Variants in DPYD observed in about 807,000 individuals in gnomAD.
The protein encoded by DPYD is dihydropyrimidine dehydrogenase [NADP(+)].
Under a neutral mutation model 116.2 loss-of-function variants are expected in DPYD, and 109 were observed. The ratio of observed to expected loss-of-function variants is 0.94; its 90% CI spans 0.80 to 1.10. DPYD has a LOEUF of 1.10. DPYD is among the 50% of genes least tolerant of loss of function. The pLI is 0.00. For synonymous variants in DPYD, 440 were observed against 432.0 expected (o/e 1.02, Z -0.23); for missense variants, 1,302 against 1,254.5 (o/e 1.04, Z -0.57).
At chr1:97,246,850 AT>A (rs1662752904) in intron 18 of DPYD, among the ~76,000 whole-genome samples, 2 of 152,276 alleles carry the variant, frequency 1.3e-5, no homozygotes, top group African/African-American at 4.8e-5. Context: ...GTTAATAAAA[AT>A]AATATTCCTA....
intron 14 of DPYD, among the ~76,000 whole-genome samples, chr1:97,415,413 C>T (rs541225117): frequency 1.3e-5 from 2 of 152,186 alleles, no homozygotes; most frequent in Admixed American, 6.5e-5. Flanking sequence ...CTGCAGCCTC[C>T]GCCACCAGGG....
At chr1:97,220,373 C>T (rs1660701070) in intron 19 of DPYD, among the ~76,000 whole-genome samples, 1 of 152,170 alleles carries the variant, frequency 6.6e-6, no homozygotes, top group Non-Finnish European at 1.5e-5. Flanking sequence ...AGCCCCTCAA[C>T]CTTGGACCTC....
chr1:97,700,242 T>C (rs1382057927), intron 5 of DPYD: 1 of 455,710 alleles, frequency 2.2e-6, no homozygotes, highest in Non-Finnish European at 4.4e-6. Flanking sequence ...AGAAAAGAGA[T>C]GTTGGCAGTC....
intron 14 of DPYD, among the ~76,000 whole-genome samples, chr1:97,395,786 G>T (rs144560184): frequency 6.6e-6 from 1 of 152,100 alleles, no homozygotes; most frequent in African/African-American, 2.4e-5. Flanking sequence ...GCTTGAAGGG[G>T]CCTGGTGCTT....
intron 3 of DPYD, among the ~76,000 whole-genome samples, chr1:97,744,270 AAAAT>A (rs1357188791): frequency 2.6e-5 from 4 of 152,010 alleles, no homozygotes; most frequent in African/African-American, 9.7e-5. Context: ...TATGACACCA[AAAAT>A]ATTATAGTGA....
intron 20 of DPYD, among the ~76,000 whole-genome samples, chr1:97,100,290 T>C (rs545504633): frequency 1.4e-3 from 206 of 152,080 alleles, no homozygotes; most frequent in African/African-American, 4.9e-3. Flanking sequence ...ATATGAGGTG[T>C]TAGGGATTAC....
intron 19 of DPYD, among the ~76,000 whole-genome samples, chr1:97,233,463 T>G (rs1411932651): frequency 6.6e-6 from 1 of 152,096 alleles, no homozygotes; most frequent in African/African-American, 2.4e-5. Flanking sequence ...AGTGGGGATG[T>G]GAGACTGCTT....
intron 11 of DPYD, among the ~76,000 whole-genome samples, chr1:97,554,672 T>G (rs1282453699): frequency 6.6e-6 from 1 of 152,088 alleles, no homozygotes; most frequent in Non-Finnish European, 1.5e-5. Context: ...TAGAATAACC[T>G]GGGGTAAGGA....
chr1:97,374,361 T>C (rs1047911009), intron 15 of DPYD, among the ~76,000 whole-genome samples: 1 of 152,160 alleles, frequency 6.6e-6, no homozygotes, highest in African/African-American at 2.4e-5. Context: ...TTGGAATACT[T>C]TGAGAATCTT....
At chr1:97,858,197 T>C (rs188797246) in intron 2 of DPYD, among the ~76,000 whole-genome samples, 1 of 152,240 alleles carries the variant, frequency 6.6e-6, no homozygotes, top group East Asian at 1.9e-4. Flanking sequence ...GGAAGCTTGA[T>C]AGGACTGGAA....
At chr1:97,392,132 G>A (rs60314659) in intron 14 of DPYD, among the ~76,000 whole-genome samples, 29,106 of 151,964 alleles carry the variant, frequency 0.19, 2,948 homozygotes, top group South Asian at 0.36. Context: ...TTGCAGGTTT[G>A]ATTCCAGATG....
chr1:97,592,710 G>A lies in DPYD; in HGVS notation c.1128+508C>T, dbSNP rs189490756. Among the ~76,000 whole-genome samples, 4 of 152,268 alleles carry A rather than the reference G, an allele frequency of 2.6e-5. No homozygotes were observed. In the East Asian group the frequency reaches 7.7e-4, roughly 29 times the overall value. ...GCTAACTAACTACTAATTTTGAGTA[G>A]TGCTTATATTAGAGCACTTTAAAAA... On this transcript the variant is annotated intron_variant, in intron 10 of 22. Transcript: ENST00000370192.
At chr1:97,588,621 G>T (rs1473666991) in intron 10 of DPYD, among the ~76,000 whole-genome samples, 1 of 152,116 alleles carries the variant, frequency 6.6e-6, no homozygotes, top group African/African-American at 2.4e-5. Context: ...ACCTATTTAA[G>T]CTTGCAGAAA....
rs760069990 is a variant in DPYD at position 97,703,781 on chromosome 1, T to TG, written c.484-4235dup. Among the ~76,000 whole-genome samples the TG allele has an allele frequency of 1.5e-3, 226 of 152,164 alleles. 3 individuals are homozygous for TG. The highest frequency in any genetic ancestry group is 2.7e-3 in the South Asian group (13 of 4,826). On this transcript the variant is annotated intron_variant, in intron 5 of 22. Transcript: ENST00000370192. ...TAAATAATCTCATGAGCATAGTTAATGGGAAATAAATAATTTAGAGGCAGT... is the reference window on the plus strand; with the variant it reads ...TAAATAATCTCATGAGCATAGTTAATGGGGAAATAAATAATTTAGAGGCAGT...
chr1:97,193,107 C>G lies in DPYD; in HGVS notation c.2584G>C (p.Gly862Arg), dbSNP rs753419296. ...TCAGCTATACGTGGAACTGGTTTCCCTTTCTGGTGACTCACAGTAGCTGGA... is the reference window on the plus strand; with the variant it reads ...TCAGCTATACGTGGAACTGGTTTCCGTTTCTGGTGACTCACAGTAGCTGGA... The part of the protein sequence containing the change: ...QSPATVSHQK[G>R]KPVPRIAELM... Residue 862 changes from glycine to arginine, a missense_variant, in exon 20 of 23, where the codon GGG becomes CGG. By Grantham distance (125) the Gly-to-Arg change is moderately radical. Coordinates refer to ENST00000370192, the MANE Select transcript of DPYD (RefSeq NM_000110.4). 6.2e-7 allele frequency: 1 copy of G among 1,614,002 alleles called. No individual in the cohort carries two copies. The highest frequency in any genetic ancestry group is 1.1e-5 in the South Asian group (1 of 91,076).
chr1:97,434,386 A>T (rs1440612209), intron 14 of DPYD, among the ~76,000 whole-genome samples: 1 of 152,102 alleles, frequency 6.6e-6, no homozygotes, highest in African/African-American at 2.4e-5. Flanking sequence ...TACACAATGG[A>T]TAATTAGTTC....
At chr1:97,442,347 G>A (rs887181349) in intron 14 of DPYD, among the ~76,000 whole-genome samples, 2 of 148,730 alleles carry the variant, frequency 1.3e-5, no homozygotes, top group African/African-American at 2.5e-5. Flanking sequence ...GTTAAATCCA[G>A]TCTCCATTTC....
chr1:97,829,828 C>T (rs1669438698), intron 2 of DPYD, among the ~76,000 whole-genome samples: 2 of 151,454 alleles, frequency 1.3e-5, no homozygotes, highest in South Asian at 4.2e-4. Context: ...ATATATGTGC[C>T]ATGTTGGCTT....
chr1:97,298,887 A>C (rs1666698748), intron 18 of DPYD, among the ~76,000 whole-genome samples: 1 of 152,158 alleles, frequency 6.6e-6, no homozygotes, highest in Non-Finnish European at 1.5e-5. Flanking sequence ...CCTTATCATT[A>C]GCAGTTAGCC....
Sources: gnomAD v4.1 joint callset for allele counts (sites outside exome capture counted in the v4.1 genomes callset) on GRCh38, gnomAD v4.1.1 for gene constraint, MANE v1.5 for transcripts, NCBI Gene and HGNC (gene_info 2026-07-23, HGNC 2026-07-21) for gene names.